Variants in KIDINS220 observed in about 807,000 individuals in gnomAD.
The protein encoded by KIDINS220 is kinase D-interacting substrate of 220 kDa.
In KIDINS220, 63 loss-of-function variants were observed where a neutral mutation model predicts 157.6. The observed-to-expected ratio is 0.40, with a 90% CI of 0.33 to 0.49. The LOEUF (loss-of-function observed/expected upper bound fraction) is 0.49. KIDINS220 is among the 20% of genes least tolerant of loss of function. The pLI, the probability that KIDINS220 is intolerant of heterozygous loss-of-function variation, is 0.66. For missense variants in KIDINS220, 1,772 were observed against 2,171.2 expected (o/e 0.82, Z 3.65); for synonymous variants, 732 against 783.6 (o/e 0.93, Z 1.10).
chr2:8,727,240 T>A, downstream of KIDINS220: 1 of 1,098,224 alleles, frequency 9.1e-7, no homozygotes, highest in South Asian at 2.5e-5. Context: ...CACTGGTTTC[T>A]TCCCTTCCGC....
chr2:8,774,081 G>A (rs1037275474), intron 21 of KIDINS220, among the ~76,000 whole-genome samples: 21 of 151,908 alleles, frequency 1.4e-4, no homozygotes, highest in South Asian at 6.3e-4. Context: ...CGAGGCGGGC[G>A]GATCAGGAGT....
downstream of KIDINS220, among the ~76,000 whole-genome samples, chr2:8,728,387 A>T (rs74885319): frequency 0.062 from 9,447 of 152,280 alleles, 363 homozygotes; most frequent in Middle Eastern, 0.16. Context: ...CTAAATGGAT[A>T]GAATCTAAGG....
intron 26 of KIDINS220, among the ~76,000 whole-genome samples, chr2:8,738,311 C>T (rs890729967): frequency 3.9e-5 from 6 of 152,190 alleles, no homozygotes; most frequent in South Asian, 2.1e-4. Flanking sequence ...TGAGTGCACA[C>T]ATGATCCACA....
At chr2:8,822,105 C>CT (rs1447172654) in intron 2 of KIDINS220, among the ~76,000 whole-genome samples, 2 of 152,152 alleles carry the variant, frequency 1.3e-5, no homozygotes, top group Non-Finnish European at 2.9e-5. Flanking sequence ...AAATACTGGA[C>CT]TTTATCTCAG....
intron 22 of KIDINS220, among the ~76,000 whole-genome samples, chr2:8,765,231 G>A (rs931286703): frequency 9.2e-5 from 14 of 152,174 alleles, no homozygotes; most frequent in African/African-American, 3.4e-4. Flanking sequence ...TTTGTCTTTA[G>A]AGCCCAATTT....
chr2:8,726,131 G>A (rs1475943863), downstream of KIDINS220, among the ~76,000 whole-genome samples: 1 of 152,138 alleles, frequency 6.6e-6, no homozygotes. Context: ...GTCATCCTTC[G>A]AATAGTTGGG....
intron 21 of KIDINS220, among the ~76,000 whole-genome samples, chr2:8,772,137 T>C (rs2148170041): frequency 6.6e-6 from 1 of 152,104 alleles, no homozygotes; most frequent in East Asian, 1.9e-4. Flanking sequence ...TGCAAAGTCA[T>C]GAAGGAACCG....
In KIDINS220 at chr2:8,786,251, A is replaced by G. The variant is rs1175343551; in HGVS notation, c.1894T>C (p.Leu632=). 1.2e-6 allele frequency: 2 copies of G among 1,614,072 alleles called. No individual in the cohort carries two copies. The highest frequency in any genetic ancestry group is 1.7e-6 in the Non-Finnish European group (2 of 1,180,032). Residue 632 remains leucine, a synonymous_variant, in exon 16 of 30, where the codon TTG becomes CTG. Transcript: ENST00000256707. ...AATACTCGAAAAAGCCTGGTTGCCA[A>G]AAAGCCAAACTCTCTTTCACAAGCA... ...SDACEREFGF[L]ATRLFRVFKT...
downstream of KIDINS220, chr2:8,726,763 G>T (rs186325187): frequency 2.4e-6 from 1 of 421,322 alleles, no homozygotes; most frequent in African/African-American, 2.1e-5. Flanking sequence ...ATAGAAAAAG[G>T]ACGGTAAAAA....
intron 6 of KIDINS220, among the ~76,000 whole-genome samples, chr2:8,807,719 T>C (rs934581226): frequency 9.2e-5 from 14 of 152,070 alleles, no homozygotes; most frequent in Admixed American, 9.2e-4. Flanking sequence ...AATCACAAGG[T>C]TGCCAATACA....
chr2:8,727,553 C>T (rs1663450080), downstream of KIDINS220, among the ~76,000 whole-genome samples: 1 of 152,132 alleles, frequency 6.6e-6, no homozygotes, highest in Admixed American at 6.5e-5. Flanking sequence ...GTCTTTTACC[C>T]ATAAGATTTA....
chr2:8,743,962 A>AACCTGG (rs1665987507), intron 26 of KIDINS220, among the ~76,000 whole-genome samples: 1 of 151,456 alleles, frequency 6.6e-6, no homozygotes, highest in Non-Finnish European at 1.5e-5. Flanking sequence ...TTTGGCATAT[A>AACCTGG]TTTTTTCTCT....
At chr2:8,790,503 A>C (rs1387594234) in intron 13 of KIDINS220, among the ~76,000 whole-genome samples, 1 of 152,188 alleles carries the variant, frequency 6.6e-6, no homozygotes, top group Non-Finnish European at 1.5e-5. Flanking sequence ...CTCCAATCAC[A>C]TTTGAGAATA....
chr2:8,774,967 A>T lies in KIDINS220; in HGVS notation c.2848+1781T>A, dbSNP rs530742637. The stretch of plus-strand genomic sequence containing the variant: ...TATTTCCATAATTAATAAAGGTAGA[A>T]CATGATAATGTATCTGATGAGGGTG... On this transcript the variant is annotated intron_variant, in intron 21 of 29. Coordinates refer to ENST00000256707, the MANE Select transcript of KIDINS220 (RefSeq NM_020738.4). Among the ~76,000 whole-genome samples the T allele has an allele frequency of 5.9e-5, 9 of 152,318 alleles. No homozygotes were observed. The East Asian group carries it at 1.7e-3, about 29-fold the overall frequency.
intron 2 of KIDINS220, among the ~76,000 whole-genome samples, chr2:8,823,035 G>T (rs760567887): frequency 1.1e-4 from 17 of 152,070 alleles, no homozygotes; most frequent in Admixed American, 2.6e-4. Context: ...AAGTGTAGTG[G>T]TGCAGTCATA....
chr2:8,728,668 T>C (rs1209395432), downstream of KIDINS220, among the ~76,000 whole-genome samples: 1 of 152,242 alleles, frequency 6.6e-6, no homozygotes, highest in Non-Finnish European at 1.5e-5. Context: ...AGGAACGCAC[T>C]GCACAGCGCT....
chr2:8,766,070 G>C (rs1312894687), intron 22 of KIDINS220, among the ~76,000 whole-genome samples: 2 of 151,994 alleles, frequency 1.3e-5, no homozygotes, highest in Non-Finnish European at 2.9e-5. Context: ...TCAGGGTAAT[G>C]GCCACACATT....
intron 4 of KIDINS220, among the ~76,000 whole-genome samples, chr2:8,815,460 G>A (rs1011855536): frequency 6.6e-6 from 1 of 151,984 alleles, no homozygotes; most frequent in African/African-American, 2.4e-5. Context: ...TTGAGGTCAG[G>A]AGTTTAAGAC....
intron 22 of KIDINS220, among the ~76,000 whole-genome samples, chr2:8,770,118 C>T (rs575883928): frequency 3.3e-5 from 5 of 152,122 alleles, no homozygotes; most frequent in Non-Finnish European, 7.4e-5. Flanking sequence ...AAACTATACA[C>T]TAAGGCTGGG....
Sources: gnomAD v4.1 joint callset for allele counts (sites outside exome capture counted in the v4.1 genomes callset) on GRCh38, gnomAD v4.1.1 for gene constraint, MANE v1.5 for transcripts, NCBI Gene and HGNC (gene_info 2026-07-23, HGNC 2026-07-21) for gene names.